Variants in LCA5 observed in about 807,000 individuals in gnomAD.
LCA5 encodes lebercilin LCA5, also known as lebercilin.
Under a neutral mutation model 53.0 loss-of-function variants are expected in LCA5, and 37 were observed. The observed-to-expected ratio is 0.70, with a 90% CI of 0.54 to 0.92. The LOEUF is 0.92. LCA5 is among the 40% of genes least tolerant of loss of function. The pLI is 0.00. For synonymous variants in LCA5, 303 were observed against 282.9 expected, an observed-to-expected ratio of 1.07 and a Z score of -0.71; for missense variants, 806 against 790.5, an observed-to-expected ratio of 1.02 and a Z score of -0.23.
At position 79,513,682 on chromosome 6, in the gene LCA5, G is replaced by A. The variant is rs750430540; in HGVS notation, c.250C>T (p.Arg84Cys). 3.6e-5 allele frequency: 58 copies of A among 1,613,586 alleles called. No individual in the cohort carries two copies. Among genetic ancestry groups the A allele is most frequent in the Middle Eastern group, 1.6e-4 (1 of 6,078 alleles). ...PNRKGVRVGF[R>C]SQSLNREPLR... ...GGCTCTCTATTGAGGCTCTGGGAGCGAAATCCCACTCGGACTCCCTTTCTG... is the reference window on the plus strand; with the variant it reads ...GGCTCTCTATTGAGGCTCTGGGAGCAAAATCCCACTCGGACTCCCTTTCTG... The change falls in exon 3 of 8, where the codon CGC (arginine) becomes TGC (cysteine). Residue 84 changes from arginine to cysteine, a missense_variant. By Grantham distance (180) the Arg-to-Cys change is radical (BLOSUM62 -3). Transcript: ENST00000369846.
intron 3 of LCA5, among the ~76,000 whole-genome samples, chr6:79,506,244 C>A (rs1232846229): frequency 1.3e-5 from 2 of 152,036 alleles, no homozygotes; most frequent in African/African-American, 4.8e-5. Flanking sequence ...CACTCTGTGC[C>A]AACTTAATTT....
In LCA5 at chr6:79,537,331, A is replaced by C. The variant is rs1293038849; in HGVS notation, c.-358T>G. On this transcript the variant is annotated 5_prime_UTR_variant, in exon 1 of 8. Transcript: ENST00000369846. ...GGTGCCGAGGTTGCCGAGATGCGGG[A>C]GGTTTGAACACAAGGATGGGACAGA... 6.6e-6 allele frequency: 1 copy of C among 152,408 alleles called. No homozygotes were observed. The highest frequency in any genetic ancestry group is 6.5e-5 in the Admixed American group (1 of 15,282). 9.4% of individuals were successfully genotyped at this position (152,408 alleles called of 1,614,324 possible). A position where few individuals can be genotyped will look rare whatever the true frequency, so the allele number is the denominator to read the frequency against.
At chr6:79,514,180 T>C (rs927377947) in intron 2 of LCA5, among the ~76,000 whole-genome samples, 1 of 152,168 alleles carries the variant, frequency 6.6e-6, no homozygotes, top group African/African-American at 2.4e-5. Context: ...TGAAAATGTA[T>C]GTTTTCAATT....
chr6:79,509,311 G>A (rs1264073740), intron 3 of LCA5, among the ~76,000 whole-genome samples: 3 of 151,928 alleles, frequency 2.0e-5, no homozygotes, highest in African/African-American at 7.3e-5. Flanking sequence ...AAAATTAGCC[G>A]GGCATGGTTG....
intron 6 of LCA5, among the ~76,000 whole-genome samples, chr6:79,490,762 A>T (rs186205132): frequency 6.6e-6 from 1 of 152,272 alleles, no homozygotes; most frequent in East Asian, 1.9e-4. Flanking sequence ...AAGAGACCTC[A>T]GGGTCACTGG....
At chr6:79,528,001 GA>G (rs953183669) in intron 1 of LCA5, among the ~76,000 whole-genome samples, 28 of 152,148 alleles carry the variant, frequency 1.8e-4, no homozygotes, top group African/African-American at 6.8e-4. Flanking sequence ...ACAGGGATGT[GA>G]ATGCCTGGGT....
At chr6:79,537,847 A>G (rs992383297), upstream of LCA5, among the ~76,000 whole-genome samples, 1 of 152,102 alleles carries the variant, frequency 6.6e-6, no homozygotes, top group Non-Finnish European at 1.5e-5. Context: ...GTGCTTCTGG[A>G]TCTTCTTACC....
rs757461724 is a variant in LCA5, at chr6:79,489,036, T to C, written c.1231+48A>G. On this transcript the variant is annotated intron_variant, in intron 7 of 7. Transcript: ENST00000369846. ...TTAGAAGACGCTCACTCTTTCTTTC[T>C]CAAGGGATGCTGACTTGTCACATGC... 9 of 1,605,816 alleles carry C rather than the reference T, an allele frequency of 5.6e-6. No individual in the cohort carries two copies. The Admixed American group carries it at 1.5e-4, about 27-fold the overall frequency.
At chr6:79,512,326 A>G (rs1226194554) in intron 3 of LCA5, among the ~76,000 whole-genome samples, 1 of 152,110 alleles carries the variant, frequency 6.6e-6, no homozygotes, top group Non-Finnish European at 1.5e-5. Context: ...TTTGGAGGAA[A>G]AAAATAGCCG....
At chr6:79,525,100 T>C (rs1007344089) in intron 1 of LCA5, 8 of 151,884 alleles carry the variant, frequency 5.3e-5, no homozygotes, top group East Asian at 1.9e-4. Flanking sequence ...GGTAATATAT[T>C]TTTTTCTCTG....
chr6:79,495,037 C>A (rs7755562), intron 3 of LCA5, among the ~76,000 whole-genome samples: 22,983 of 152,206 alleles, frequency 0.15, 1,808 homozygotes, highest in East Asian at 0.22. Context: ...CTGGTAGGAA[C>A]CGGGCTTGCA....
chr6:79,508,328 C>T (rs898909437), intron 3 of LCA5, among the ~76,000 whole-genome samples: 2 of 152,128 alleles, frequency 1.3e-5, no homozygotes, highest in African/African-American at 2.4e-5. Flanking sequence ...TAAACTACTC[C>T]GTTCGTAAAT....
chr6:79,519,611 G>A (rs1766560863), intron 1 of LCA5, among the ~76,000 whole-genome samples: 1 of 151,724 alleles, frequency 6.6e-6, no homozygotes, highest in African/African-American at 2.4e-5. Context: ...CAGCTACTCA[G>A]GAGGCTGAGG....
At chr6:79,510,944 T>A (rs1006584637) in intron 3 of LCA5, among the ~76,000 whole-genome samples, 1 of 152,034 alleles carries the variant, frequency 6.6e-6, no homozygotes, top group African/African-American at 2.4e-5. Flanking sequence ...GCTGAGAAAC[T>A]GGACCACTTA....
At chr6:79,500,720 A>T (rs13206818) in intron 3 of LCA5, among the ~76,000 whole-genome samples, 14,299 of 152,210 alleles carry the variant, frequency 0.094, 1,495 homozygotes, top group East Asian at 0.54. Flanking sequence ...TTTGAATGAG[A>T]GGAAACCAGT....
intron 7 of LCA5, 98 bp from the exon 8 acceptor site, chr6:79,487,964 GGTATTATAAATCAA>G (rs1474998766): frequency 2.1e-6 from 2 of 931,132 alleles, no homozygotes; most frequent in Non-Finnish European, 3.2e-6. Flanking sequence ...ATTTAATTTG[GGTATTATAAATCAA>G]GTGAGAAAAG....
In LCA5 at chr6:79,485,809, T is replaced by G. The variant is rs1392181112; in HGVS notation, c.*1195A>C. 1 of 152,202 alleles carries G rather than the reference T, an allele frequency of 6.6e-6. No individual in the cohort carries two copies. The highest frequency in any genetic ancestry group is 1.5e-5 in the Non-Finnish European group (1 of 68,016). 9.4% of individuals were successfully genotyped at this position (152,202 alleles called of 1,614,324 possible). A position where few individuals can be genotyped will look rare whatever the true frequency, so the allele number is the denominator to read the frequency against. ...ACACTATTTCCACCACTCTTCATTT[T>G]AACAATGTTTTCTCCTTGGGCTGGT... On this transcript the variant is annotated 3_prime_UTR_variant, in exon 8 of 8. Coordinates refer to ENST00000369846, the MANE Select transcript of LCA5 (RefSeq NM_001122769.3).
Position 79,536,258 on chromosome 6 carries a change from G to A in LCA5, c.-192+907C>T, listed in dbSNP as rs112690629. ...ACCATGCAAAAGAAAGAGGGAATGA[G>A]TAAAGAACTGGAAACATCGGTTTTA... On this transcript the variant is annotated intron_variant, in intron 1 of 7. Coordinates refer to ENST00000369846, the MANE Select transcript of LCA5 (RefSeq NM_001122769.3). Among the ~76,000 whole-genome samples, 213 of 152,234 alleles carry A rather than the reference G, an allele frequency of 1.4e-3. 6 individuals carry two copies. Among genetic ancestry groups the A allele is most frequent in the African/African-American group, 4.9e-3 (205 of 41,544 alleles).
At chr6:79,511,417 A>G (rs796484077) in intron 3 of LCA5, among the ~76,000 whole-genome samples, 15 of 152,298 alleles carry the variant, frequency 9.8e-5, no homozygotes, top group African/African-American at 3.6e-4. Flanking sequence ...TTGAAATGAC[A>G]AAATTAGAGA....
Sources: allele counts gnomAD v4.1 joint callset (sites outside exome capture counted in the v4.1 genomes callset), GRCh38; gene constraint gnomAD v4.1.1; transcripts MANE v1.5; gene names NCBI Gene and HGNC (gene_info 2026-07-23, HGNC 2026-07-21).